Variants in CELF2 observed in about 807,000 individuals in gnomAD.
The protein encoded by CELF2 is CUG triplet repeat RNA-binding protein 2.
Under a neutral mutation model 62.6 loss-of-function variants are expected in CELF2, and 8 were observed. That is an observed-to-expected ratio of 0.13 (90% confidence interval 0.07 to 0.23). The LOEUF (loss-of-function observed/expected upper bound fraction) is 0.23. CELF2 is among the 10% of genes least tolerant of loss of function. The probability of loss-of-function intolerance (pLI) is 1.00; values close to 1 mark genes in which losing one functional copy is unlikely to be tolerated. For missense variants in CELF2, 333 were observed against 671.0 expected (o/e 0.50, Z 5.56); for synonymous variants, 258 against 250.0 (o/e 1.03, Z -0.30).
At chr10:10,884,927 C>G (rs1028716847) in intron 1 of CELF2, among the ~76,000 whole-genome samples, 5 of 152,196 alleles carry the variant, frequency 3.3e-5, no homozygotes, top group African/African-American at 1.2e-4. Context: ...ATGCTAAGCA[C>G]TTAGTAAGTG....
At chr10:10,499,449 A>G in the CELF2 span, among the ~76,000 whole-genome samples, 1 of 152,200 alleles carries the variant, frequency 6.6e-6, no homozygotes, top group Non-Finnish European at 1.5e-5. Flanking sequence ...CTAGTAATTC[A>G]CATGTGATTA....
chr10:11,230,741 A>C (rs1486748300), intron 3 of CELF2, among the ~76,000 whole-genome samples: 3 of 152,250 alleles, frequency 2.0e-5, no homozygotes, highest in Non-Finnish European at 1.5e-5. Context: ...AATGTGTGTC[A>C]GACTGTAAGG....
At position 11,157,689 on chromosome 10, in the gene CELF2, C is replaced by A. The variant is rs2064817051; in HGVS notation, c.75-7797C>A. Among the ~76,000 whole-genome samples, 1 of 152,170 alleles carries A rather than the reference C, an allele frequency of 6.6e-6. No individual in the cohort carries two copies. Among genetic ancestry groups the A allele is most frequent in the South Asian group, 2.1e-4 (1 of 4,832 alleles). On this transcript the variant is annotated intron_variant, in intron 1 of 12. Transcript: ENST00000633077. This position sits in a 1 kb window ranked among gnomAD's most constrained non-coding sequence, Gnocchi z 4.9. ...CTGACATAAAGCAGATATTCAGTAA[C>A]TGAGAATGAGAAGGAAAGAAAAGGA...
intron 1 of CELF2, among the ~76,000 whole-genome samples, chr10:11,138,791 A>G (rs1436837241): frequency 3.9e-5 from 6 of 152,138 alleles, no homozygotes; most frequent in Non-Finnish European, 5.9e-5. Flanking sequence ...TCTCCCTCCT[A>G]AACAATTTAT....
the CELF2 span, among the ~76,000 whole-genome samples, chr10:10,728,954 T>A: frequency 1.7e-3 from 258 of 152,358 alleles, no homozygotes; most frequent in African/African-American, 5.9e-3. Context: ...TTGCTCATAA[T>A]GTCACTTTCT....
In CELF2 at chr10:11,214,549, A is replaced by G. The variant is rs2062786273; in HGVS notation, c.272-2876A>G. 6.6e-6 allele frequency among the ~76,000 whole-genome samples: 1 copy of G among 152,168 alleles called. No homozygotes were observed. The highest frequency in any genetic ancestry group is 1.5e-5 in the Non-Finnish European group (1 of 68,012). On this transcript the variant is annotated intron_variant, in intron 2 of 12. Transcript: ENST00000633077. This position sits in a 1 kb window ranked among gnomAD's most constrained non-coding sequence, Gnocchi z 4.2. ...TGGACTGTGGCAAGGAGCTACGCCC[A>G]CCTGGAGATGGGATCCCCTCTTGGA...
chr10:10,880,287 C>T (rs1455235350), intron 1 of CELF2, among the ~76,000 whole-genome samples: 1 of 152,130 alleles, frequency 6.6e-6, no homozygotes, highest in Non-Finnish European at 1.5e-5. Context: ...TAGATTTTCT[C>T]CCATGCCTGC....
In CELF2 at chr10:11,247,824, G is replaced by A. The variant is rs2076073562; in HGVS notation, c.355-1329G>A. On this transcript the variant is annotated intron_variant, in intron 3 of 12. Coordinates refer to ENST00000633077, the MANE Select transcript of CELF2 (RefSeq NM_001326342.2). This position sits in a 1 kb window ranked among gnomAD's most constrained non-coding sequence, Gnocchi z 5.4. ...TCCTTCTCTCCATTTCTATAGGATAGAGGTCACATTCCTCAGCCCAACTCA... is the reference window on the plus strand; with the variant it reads ...TCCTTCTCTCCATTTCTATAGGATAAAGGTCACATTCCTCAGCCCAACTCA... Among the ~76,000 whole-genome samples, 1 of 152,288 alleles carries A rather than the reference G, an allele frequency of 6.6e-6. No homozygotes were observed. The highest frequency in any genetic ancestry group is 2.1e-4 in the South Asian group (1 of 4,826).
At chr10:10,978,437 TTTGA>T (rs2051629436) in intron 2 of CELF2, among the ~76,000 whole-genome samples, 1 of 152,224 alleles carries the variant, frequency 6.6e-6, no homozygotes, top group African/African-American at 2.4e-5. Context: ...TATTGACGTC[TTTGA>T]TTGGTAGCCA....
At chr10:10,988,141 G>A (rs113041615) in intron 2 of CELF2, among the ~76,000 whole-genome samples, 202 of 152,168 alleles carry the variant, frequency 1.3e-3, no homozygotes, top group African/African-American at 4.7e-3. Context: ...ACTTACACAT[G>A]CTTGTTTACA....
intron 9 of CELF2, among the ~76,000 whole-genome samples, chr10:11,289,046 G>C (rs1197722978): frequency 6.6e-6 from 1 of 152,200 alleles, no homozygotes; most frequent in African/African-American, 2.4e-5. Context: ...GTCAGGCTCT[G>C]GGGTGTGTCA....
At chr10:10,880,128 C>T (rs1250078428) in intron 1 of CELF2, among the ~76,000 whole-genome samples, 1 of 152,188 alleles carries the variant, frequency 6.6e-6, no homozygotes, top group Non-Finnish European at 1.5e-5. Flanking sequence ...TAACTAAATA[C>T]AAGAACATCG....
At chr10:10,950,157 T>G (rs2135705656) in intron 2 of CELF2, among the ~76,000 whole-genome samples, 1 of 152,292 alleles carries the variant, frequency 6.6e-6, no homozygotes, top group Non-Finnish European at 1.5e-5. Flanking sequence ...GACCTTGTCT[T>G]CTTGAAGACA....
chr10:11,312,814 G>T (rs1429689466), intron 9 of CELF2, among the ~76,000 whole-genome samples: 1 of 152,198 alleles, frequency 6.6e-6, no homozygotes, highest in Non-Finnish European at 1.5e-5. Context: ...GGCGCCTGTA[G>T]TGCCAGTTAC....
chr10:11,004,441 G>GTT (rs938559366), upstream of CELF2, among the ~76,000 whole-genome samples: 4 of 151,968 alleles, frequency 2.6e-5, no homozygotes, highest in African/African-American at 9.7e-5. This position sits in a 1 kb window ranked among gnomAD's most constrained non-coding sequence, Gnocchi z 5.0. Flanking sequence ...GTGTGTGTGT[G>GTT]TGTGTTGTTA....
intron 1 of CELF2, among the ~76,000 whole-genome samples, chr10:11,125,416 G>A (rs192230023): frequency 1.7e-4 from 26 of 150,600 alleles, no homozygotes; most frequent in African/African-American, 6.4e-4. Context: ...TTGATAAAGA[G>A]AGGCAGGTTT....
intron 1 of CELF2, among the ~76,000 whole-genome samples, chr10:10,867,367 A>G (rs192097942): frequency 1.3e-5 from 2 of 152,372 alleles, no homozygotes; most frequent in African/African-American, 4.8e-5. Context: ...ACAAGTGGAA[A>G]TATTAACTGA....
intron 2 of CELF2, among the ~76,000 whole-genome samples, chr10:11,174,508 A>C (rs1452590666): frequency 5.9e-5 from 9 of 152,162 alleles, no homozygotes. Context: ...CATAAGATAC[A>C]CTCTGGACAG....
At chr10:10,557,095 T>C in the CELF2 span, among the ~76,000 whole-genome samples, 2 of 146,730 alleles carry the variant, frequency 1.4e-5, no homozygotes, top group Non-Finnish European at 1.5e-5. Context: ...GTTTTGGACA[T>C]GAAGTCCTTG....
Sources: gnomAD v4.1 joint callset for allele counts (sites outside exome capture counted in the v4.1 genomes callset) on GRCh38, gnomAD v4.1.1 for gene constraint, Gnocchi (gnomAD v3.1) non-coding constraint, MANE v1.5 for transcripts, NCBI Gene and HGNC (gene_info 2026-07-23, HGNC 2026-07-21) for gene names.